The following NUP160 variants were observed in gnomAD, a reference collection of about 807,000 sequenced individuals.
The protein encoded by NUP160 is nuclear pore complex protein Nup160.
Under a neutral mutation model 196.9 loss-of-function variants are expected in NUP160, and 94 were observed. The ratio of observed to expected loss-of-function variants is 0.48; its 90% CI spans 0.40 to 0.57. The LOEUF is 0.57. Among genes scored for constraint, NUP160 ranks in the 20% least tolerant of loss-of-function variants. The probability of loss-of-function intolerance (pLI) is 0.00; values close to 1 mark genes in which losing one functional copy is unlikely to be tolerated. For synonymous variants in NUP160, 605 were observed against 619.7 expected (o/e 0.98, Z 0.35); for missense variants, 1,638 against 1,748.3 (o/e 0.94, Z 1.13).
chr11:47,836,382 T>C (rs1398219956), intron 6 of NUP160, among the ~76,000 whole-genome samples: 2 of 152,206 alleles, frequency 1.3e-5, no homozygotes, highest in Non-Finnish European at 2.9e-5. Flanking sequence ...CCAACTTACA[T>C]TTTAAAAACA....
chr11:47,780,160 G>C (rs1234290218), intron 35 of NUP160, among the ~76,000 whole-genome samples, 183 bp downstream of exon 35: 3 of 152,172 alleles, frequency 2.0e-5, no homozygotes, highest in Non-Finnish European at 4.4e-5. Context: ...TCCTCATTAT[G>C]TTTTCTTGAT....
At position 47,793,733 on chromosome 11, in the gene NUP160, T is replaced by G. The variant is rs1163577443; in HGVS notation, c.3290-787A>C. Reference sequence around the variant, plus strand: ...TCTGTAAGATATCTGTTTTTTTTTTTTTTTTTTTTTTTTTTTTTTTTTTTG... The same window carrying G: ...TCTGTAAGATATCTGTTTTTTTTTTGTTTTTTTTTTTTTTTTTTTTTTTTG... On this transcript the variant is annotated intron_variant, in intron 27 of 35. Transcript: ENST00000378460. 8.6e-3 allele frequency among the ~76,000 whole-genome samples: 1,129 copies of G among 131,948 alleles called. 63 individuals are homozygous for G. Among genetic ancestry groups the G allele is most frequent in the African/African-American group, 0.028 (923 of 32,988 alleles). 86.6% of individuals were successfully genotyped at this position (131,948 alleles called of 152,430 possible).
At chr11:47,846,658 T>C (rs1852407549) in intron 2 of NUP160, among the ~76,000 whole-genome samples, 1 of 152,210 alleles carries the variant, frequency 6.6e-6, no homozygotes, top group South Asian at 2.1e-4. Context: ...CAGCAACCCT[T>C]ACTTGGGCCA....
Position 47,798,367 on chromosome 11 carries a change from C to T in NUP160, c.2991+1G>A. The T allele has an allele frequency of 6.2e-7, 1 of 1,602,152 alleles. No individual in the cohort carries two copies. Among genetic ancestry groups the T allele is most frequent in the Non-Finnish European group, 8.6e-7 (1 of 1,169,566 alleles). On this transcript the variant is annotated splice_donor_variant, in intron 24 of 35. Coordinates refer to ENST00000378460, the Ensembl canonical transcript of NUP160. LOFTEE classifies it high-confidence loss of function. ...ACAACCAAATTGCAGCCAATTCTTACCTGACTTTTCCAGTCATCACCTGCT... is the reference window on the plus strand; with the variant it reads ...ACAACCAAATTGCAGCCAATTCTTATCTGACTTTTCCAGTCATCACCTGCT...
chr11:47,845,330 C>T (rs1404720937), intron 2 of NUP160, among the ~76,000 whole-genome samples: 2 of 152,080 alleles, frequency 1.3e-5, no homozygotes, highest in African/African-American at 2.4e-5. Context: ...AGTAGAGACA[C>T]GGTTTCACCA....
intron 23 of NUP160, among the ~76,000 whole-genome samples, chr11:47,800,904 A>G (rs1318176198): frequency 6.6e-6 from 1 of 152,198 alleles, no homozygotes; most frequent in Admixed American, 6.5e-5. Context: ...TGCACAGGCC[A>G]GGCAGAGGGC....
At chr11:47,821,522 C>G in intron 9 of NUP160, 1 of 524,328 alleles carries the variant, frequency 1.9e-6, no homozygotes, top group Non-Finnish European at 3.4e-6. Context: ...GCCACCAGGC[C>G]CAGCTAATTT....
intron 27 of NUP160, among the ~76,000 whole-genome samples, chr11:47,795,910 G>A (rs1399335779): frequency 6.6e-6 from 1 of 152,050 alleles, no homozygotes; most frequent in African/African-American, 2.4e-5. Flanking sequence ...CCAGCACTTT[G>A]GGAAATGGAG....
chr11:47,779,567 CT>C (rs1362218548), intron 35 of NUP160: 2 of 519,794 alleles, frequency 3.8e-6, no homozygotes. Context: ...AGGAGGCACT[CT>C]ATCTCACTGG....
chr11:47,794,594 C>T (rs1245806786), intron 27 of NUP160, among the ~76,000 whole-genome samples: 4 of 151,940 alleles, frequency 2.6e-5, no homozygotes, highest in South Asian at 2.1e-4. Context: ...CGTGGTGAAA[C>T]GTCGTCTCTA....
At chr11:47,841,365 A>C (rs1852294119) in intron 2 of NUP160, 2 of 422,938 alleles carry the variant, frequency 4.7e-6, no homozygotes, top group South Asian at 2.7e-5. Context: ...GTACCTGTCC[A>C]TTTTCTTATG....
intron 2 of NUP160, chr11:47,841,614 C>A (rs568279309): frequency 1.9e-5 from 8 of 429,108 alleles, no homozygotes; most frequent in Non-Finnish European, 3.7e-5. Context: ...CAAGGAAGGC[C>A]ATGTGATCCT....
rs1852251214 is a variant in NUP160 at position 47,839,459 on chromosome 11, A to G, written c.748+384T>C. On this transcript the variant is annotated intron_variant, in intron 4 of 35. Coordinates refer to ENST00000378460, the Ensembl canonical transcript of NUP160. ...AGGGTTAAGACAGATCTGGGGAGAT[A>G]TATAGAAAGCTAATACAATAATCCA... is the stretch of plus-strand genomic sequence containing the variant. 3 of 221,520 alleles carry G rather than the reference A, an allele frequency of 1.4e-5. No individual in the cohort carries two copies. The South Asian group carries it at 2.0e-4, about 15-fold the overall frequency. 13.7% of individuals were successfully genotyped at this position (221,520 alleles called of 1,614,324 possible).
chr11:47,824,008 CATATAT>C (rs58246222), intron 7 of NUP160, among the ~76,000 whole-genome samples: 4,613 of 72,870 alleles, frequency 0.063, 196 homozygotes, highest in African/African-American at 0.14. Context: ...AATTCTTTTG[CATATAT>C]ATATATATAT....
chr11:47,810,626 A>C (rs2097680552), intron 17 of NUP160, among the ~76,000 whole-genome samples: 1 of 150,964 alleles, frequency 6.6e-6, no homozygotes, highest in Non-Finnish European at 1.5e-5. Flanking sequence ...GCCTCACTGC[A>C]AACTCTGCCT....
At chr11:47,838,913 A>AGAATCGCT (rs1350354806) in intron 4 of NUP160, among the ~76,000 whole-genome samples, 2 of 151,748 alleles carry the variant, frequency 1.3e-5, no homozygotes, top group African/African-American at 4.8e-5. Context: ...CTGATGCAGG[A>AGAATCGCT]GAATCGCTTG....
chr11:47,804,680 G>T, intron 20 of NUP160, 62 bp from the exon 21 acceptor site: 1 of 1,122,854 alleles, frequency 8.9e-7, no homozygotes, highest in Non-Finnish European at 1.2e-6. Context: ...TATACATTGG[G>T]CATCAAATTC....
At chr11:47,808,361 T>C in intron 18 of NUP160, 35 bp downstream of exon 18, 1 of 1,578,970 alleles carries the variant, frequency 6.3e-7, no homozygotes. Flanking sequence ...AAACTCACAA[T>C]TTACATTTTA....
chr11:47,823,478 G>A (rs1465863180), intron 7 of NUP160, among the ~76,000 whole-genome samples: 3 of 152,052 alleles, frequency 2.0e-5, no homozygotes, highest in African/African-American at 4.8e-5. Flanking sequence ...GGTTTATGTC[G>A]TTTAGCATAA....
Sources: allele counts gnomAD v4.1 joint callset (sites outside exome capture counted in the v4.1 genomes callset), GRCh38; gene constraint gnomAD v4.1.1; transcripts MANE v1.5; gene names NCBI Gene and HGNC (gene_info 2026-07-23, HGNC 2026-07-21).